The following CORO2B variants were observed in gnomAD, a reference collection of about 807,000 sequenced individuals.
CORO2B encodes the protein coronin-2B.
Under a neutral mutation model 58.8 loss-of-function variants are expected in CORO2B, and 26 were observed. The observed-to-expected ratio is 0.44, with a 90% CI of 0.32 to 0.61. The LOEUF (loss-of-function observed/expected upper bound fraction) is 0.61, where lower values mean the gene tolerates loss of function less well. Among genes scored for constraint, CORO2B ranks in the 20% least tolerant of loss-of-function variants. The pLI, the probability that CORO2B is intolerant of heterozygous loss-of-function variation, is 0.04. For missense variants in CORO2B, 460 were observed against 645.1 expected (o/e 0.71, Z 3.11); for synonymous variants, 242 against 253.8 (o/e 0.95, Z 0.44).
At chr15:68,562,087 A>T in the CORO2B span, among the ~76,000 whole-genome samples, 21 of 152,112 alleles carry the variant, frequency 1.4e-4, no homozygotes, top group East Asian at 4.1e-3. Context: ...GGCCTTAATG[A>T]TGTTGTCCTC....
chr15:68,694,563 G>T (rs540221785), intron 2 of CORO2B, among the ~76,000 whole-genome samples: 2 of 152,268 alleles, frequency 1.3e-5, no homozygotes, highest in African/African-American at 4.8e-5. Context: ...CATTCATATC[G>T]TAGAGAGAAT....
At chr15:68,664,007 A>G (rs1326296907) in intron 2 of CORO2B, among the ~76,000 whole-genome samples, 1 of 152,256 alleles carries the variant, frequency 6.6e-6, no homozygotes, top group Non-Finnish European at 1.5e-5. Context: ...AAAGCTGATA[A>G]TATCAAGTGT....
At chr15:68,668,555 G>A (rs187142104) in intron 2 of CORO2B, among the ~76,000 whole-genome samples, 13 of 152,192 alleles carry the variant, frequency 8.5e-5, no homozygotes, top group Admixed American at 2.6e-4. Flanking sequence ...AAGAGCATGC[G>A]GAAGAGTAGT....
At chr15:68,633,537 A>ACACACACACT (rs1342080129) in intron 1 of CORO2B, among the ~76,000 whole-genome samples, 9 of 151,906 alleles carry the variant, frequency 5.9e-5, no homozygotes, top group South Asian at 4.2e-4. Context: ...ACACACACAC[A>ACACACACACT]CACACACACT....
intron 1 of CORO2B, among the ~76,000 whole-genome samples, chr15:68,623,310 G>A (rs1271870288): frequency 1.3e-5 from 2 of 152,286 alleles, no homozygotes; most frequent in East Asian, 3.9e-4. Context: ...ATTGAGACTC[G>A]CCAGAGCAAT....
intron 1 of CORO2B, among the ~76,000 whole-genome samples, chr15:68,590,727 C>T (rs909251379): frequency 3.9e-5 from 6 of 152,114 alleles, no homozygotes; most frequent in East Asian, 1.9e-4. Context: ...TTGACTGGAC[C>T]GAGCCTGCTG....
intron 1 of CORO2B, among the ~76,000 whole-genome samples, chr15:68,590,743 A>C (rs1037045217): frequency 5.9e-5 from 9 of 152,200 alleles, no homozygotes; most frequent in African/African-American, 2.2e-4. Context: ...TGCTGGAAGG[A>C]AAACACTAGA....
intron 2 of CORO2B, among the ~76,000 whole-genome samples, chr15:68,687,368 T>C (rs1287394522): frequency 6.6e-6 from 1 of 152,236 alleles, no homozygotes; most frequent in African/African-American, 2.4e-5. Context: ...TGGGAGAATC[T>C]AGGAAGCTGA....
At chr15:68,530,271 G>A in the CORO2B span, among the ~76,000 whole-genome samples, 1 of 152,124 alleles carries the variant, frequency 6.6e-6, no homozygotes, top group Admixed American at 6.5e-5. Flanking sequence ...CTTGCAGTGA[G>A]CCAAGATGGC....
At chr15:68,695,857 G>A (rs1214953239) in intron 3 of CORO2B, among the ~76,000 whole-genome samples, 1 of 152,116 alleles carries the variant, frequency 6.6e-6, no homozygotes, top group African/African-American at 2.4e-5. Context: ...GGAGGAGACA[G>A]AGAGAACAGG....
chr15:68,681,240 A>G (rs79414043), intron 2 of CORO2B, among the ~76,000 whole-genome samples: 6,292 of 151,846 alleles, frequency 0.041, 293 homozygotes, highest in African/African-American at 0.11. Flanking sequence ...TTTTTTGGAA[A>G]GAAAAGCTGA....
chr15:68,595,259 C>T (rs1012261887), intron 1 of CORO2B, among the ~76,000 whole-genome samples: 2 of 152,228 alleles, frequency 1.3e-5, no homozygotes, highest in Non-Finnish European at 2.9e-5. Flanking sequence ...AAGGGGCCCC[C>T]TCCCTCTTTC....
At chr15:68,549,342 C>G in the CORO2B span, among the ~76,000 whole-genome samples, 99 of 151,102 alleles carry the variant, frequency 6.6e-4, no homozygotes, top group Middle Eastern at 3.4e-3. Flanking sequence ...GGAGTTTACA[C>G]TGGGGTCTTC....
rs80236402 is a variant in CORO2B, at chr15:68,657,777, A to G, written c.216+12417A>G. Among the ~76,000 whole-genome samples, 793 of 152,320 alleles carry G rather than the reference A, an allele frequency of 5.2e-3. 5 individuals are homozygous for G. Among genetic ancestry groups the G allele is most frequent in the African/African-American group, 0.018 (763 of 41,568 alleles). On this transcript the variant is annotated intron_variant, in intron 2 of 11. Transcript: ENST00000261861. ...TGGGGTTTGCTGCCTACATTTATAC[A>G]CGAAAGAAATGTGAGGTTTCAGTTA...
At chr15:68,692,641 T>G (rs1175378311) in intron 2 of CORO2B, among the ~76,000 whole-genome samples, 1 of 149,598 alleles carries the variant, frequency 6.7e-6, no homozygotes, top group Non-Finnish European at 1.5e-5. Context: ...CCTTTTTTTT[T>G]TGTTTTTTTG....
chr15:68,662,006 C>CAATAAATA (rs201951631), intron 2 of CORO2B, among the ~76,000 whole-genome samples: 215 of 151,200 alleles, frequency 1.4e-3, no homozygotes, highest in South Asian at 9.4e-3. Flanking sequence ...GACCCTGTCT[C>CAATAAATA]AATAAATAAA....
At chr15:68,541,911 C>T in the CORO2B span, among the ~76,000 whole-genome samples, 3 of 152,156 alleles carry the variant, frequency 2.0e-5, no homozygotes, top group Non-Finnish European at 4.4e-5. Context: ...GCCTGGGCCT[C>T]CTTACATTCA....
At chr15:68,690,177 C>G (rs1178965429) in intron 2 of CORO2B, among the ~76,000 whole-genome samples, 1 of 152,150 alleles carries the variant, frequency 6.6e-6, no homozygotes, top group Non-Finnish European at 1.5e-5. Flanking sequence ...TGGCATTAGC[C>G]TGAAATCAGT....
intron 1 of CORO2B, among the ~76,000 whole-genome samples, chr15:68,618,531 G>C (rs1321249205): frequency 1.3e-5 from 2 of 152,254 alleles, no homozygotes; most frequent in Non-Finnish European, 2.9e-5. Context: ...GGAGGCGTGA[G>C]TGCGCAGCTG....
Sources: gnomAD v4.1 joint callset for allele counts (sites outside exome capture counted in the v4.1 genomes callset) on GRCh38, gnomAD v4.1.1 for gene constraint, MANE v1.5 for transcripts, NCBI Gene and HGNC (gene_info 2026-07-23, HGNC 2026-07-21) for gene names.